The following PRKCE variants were observed in gnomAD, a reference collection of about 807,000 sequenced individuals.
PRKCE encodes the protein protein kinase C epsilon type.
Under a neutral mutation model 85.4 loss-of-function variants are expected in PRKCE, and 16 were observed. The ratio of observed to expected loss-of-function variants is 0.19; its 90% CI spans 0.13 to 0.28. PRKCE has a LOEUF of 0.28. PRKCE is among the 10% of genes least tolerant of loss of function. The pLI, the probability that PRKCE is intolerant of heterozygous loss-of-function variation, is 1.00. For missense variants in PRKCE, 573 were observed against 975.2 expected, an observed-to-expected ratio of 0.59 and a Z score of 5.49; for synonymous variants, 388 against 371.5, an observed-to-expected ratio of 1.04 and a Z score of -0.51.
chr2:46,040,893 A>G (rs1276100944), intron 10 of PRKCE, among the ~76,000 whole-genome samples: 3 of 152,198 alleles, frequency 2.0e-5, no homozygotes, highest in Non-Finnish European at 2.9e-5. Context: ...AAACTGACGA[A>G]TCTCAGTTTT....
intron 2 of PRKCE, among the ~76,000 whole-genome samples, chr2:45,938,015 C>G (rs1363566482): frequency 6.6e-6 from 1 of 152,322 alleles, no homozygotes; most frequent in Non-Finnish European, 1.5e-5. Flanking sequence ...CTTTACGTTA[C>G]GCACCACTAA....
At chr2:46,149,375 C>T (rs1676383741) in intron 12 of PRKCE, among the ~76,000 whole-genome samples, 1 of 152,080 alleles carries the variant, frequency 6.6e-6, no homozygotes, top group Admixed American at 6.6e-5. Flanking sequence ...TTCTCCTTCC[C>T]TTTTTAAAAT....
chr2:46,127,692 C>A (rs1462896260), intron 11 of PRKCE, among the ~76,000 whole-genome samples: 1 of 152,162 alleles, frequency 6.6e-6, no homozygotes, highest in Non-Finnish European at 1.5e-5. Flanking sequence ...CAGCCTGTTA[C>A]CATTGAGGAT....
chr2:45,695,492 G>T (rs6721132), intron 1 of PRKCE, among the ~76,000 whole-genome samples: 1 of 152,122 alleles, frequency 6.6e-6, no homozygotes, highest in Non-Finnish European at 1.5e-5. Flanking sequence ...TGTATAATAG[G>T]CTGGGCATGG....
intron 1 of PRKCE, among the ~76,000 whole-genome samples, chr2:45,816,570 G>T (rs1689062827): frequency 6.6e-6 from 1 of 152,152 alleles, no homozygotes; most frequent in Non-Finnish European, 1.5e-5. Context: ...CCTGGATTTT[G>T]TTTGTTTTGT....
intron 1 of PRKCE, among the ~76,000 whole-genome samples, chr2:45,711,384 G>A (rs2104368508): frequency 6.6e-6 from 1 of 152,312 alleles, no homozygotes; most frequent in South Asian, 2.1e-4. Context: ...TCACAGCTCT[G>A]CTACCTATGA....
At chr2:45,659,316 C>G (rs888259342) in intron 1 of PRKCE, among the ~76,000 whole-genome samples, 1 of 152,198 alleles carries the variant, frequency 6.6e-6, no homozygotes, top group East Asian at 1.9e-4. Flanking sequence ...TTCTCAGGTG[C>G]CCCATATCTT....
At chr2:45,898,184 G>T (rs973073835) in intron 2 of PRKCE, among the ~76,000 whole-genome samples, 2 of 152,126 alleles carry the variant, frequency 1.3e-5, no homozygotes, top group Non-Finnish European at 2.9e-5. Flanking sequence ...ACAACTCATC[G>T]CTTCACCTTA....
intron 2 of PRKCE, among the ~76,000 whole-genome samples, chr2:45,965,037 C>T (rs769936674): frequency 6.6e-6 from 1 of 152,210 alleles, no homozygotes; most frequent in Non-Finnish European, 1.5e-5. Flanking sequence ...CCGTTCTCTT[C>T]TGATTAGATT....
At chr2:46,082,370 G>A (rs1331104531) in intron 10 of PRKCE, among the ~76,000 whole-genome samples, 1 of 152,178 alleles carries the variant, frequency 6.6e-6, no homozygotes, top group Non-Finnish European at 1.5e-5. Flanking sequence ...GACTTGGTGA[G>A]GGCTGAGGGA....
At chr2:45,982,450 C>T (rs1398389586) in intron 5 of PRKCE, among the ~76,000 whole-genome samples, 2 of 152,218 alleles carry the variant, frequency 1.3e-5, no homozygotes, top group Admixed American at 1.3e-4. Context: ...CGGTCCCCCC[C>T]ATCTCATGTC....
chr2:45,876,844 T>G (rs1694518507), intron 2 of PRKCE, among the ~76,000 whole-genome samples: 1 of 152,228 alleles, frequency 6.6e-6, no homozygotes, highest in African/African-American at 2.4e-5. Flanking sequence ...TTTAATGTAA[T>G]TACTGATATA....
At chr2:45,998,358 C>G (rs1270589675) in intron 6 of PRKCE, among the ~76,000 whole-genome samples, 1 of 152,210 alleles carries the variant, frequency 6.6e-6, no homozygotes, top group Admixed American at 6.5e-5. Context: ...CTTTGATGCT[C>G]TGGTTTTAGG....
chr2:45,884,970 TATATATATATATATATATATATATATA>T (rs1558792826), intron 2 of PRKCE, among the ~76,000 whole-genome samples: 2 of 61,666 alleles, frequency 3.2e-5, no homozygotes, highest in Non-Finnish European at 7.0e-5. Context: ...TATATATATA[TATATATATATATATATATATATATATA>T]TATATTTGTT....
At chr2:45,999,161 C>T (rs1224804550) in intron 6 of PRKCE, among the ~76,000 whole-genome samples, 1 of 152,140 alleles carries the variant, frequency 6.6e-6, no homozygotes, top group East Asian at 1.9e-4. Flanking sequence ...CCACTTATTT[C>T]TTCACCTTTC....
intron 2 of PRKCE, among the ~76,000 whole-genome samples, chr2:45,914,362 GGAC>G (rs563615624): frequency 3.3e-3 from 500 of 152,344 alleles, no homozygotes; most frequent in Non-Finnish European, 5.3e-3. Flanking sequence ...TTGGACATGT[GGAC>G]TTGGATGTGT....
chr2:45,934,473 A>G lies in PRKCE; in HGVS notation c.413-41956A>G, dbSNP rs186755500. The stretch of plus-strand genomic sequence containing the variant: ...AGACCAGCCTGGTCAACATAGTAAA[A>G]CCCCATCTCTACTAAAAATACAAAA... On this transcript the variant is annotated intron_variant, in intron 2 of 14. Transcript: ENST00000306156. Among the ~76,000 whole-genome samples the G allele has an allele frequency of 2.4e-3, 359 of 152,102 alleles. 2 individuals are homozygous for G. The highest frequency in any genetic ancestry group is 8.3e-3 in the African/African-American group (344 of 41,480).
At chr2:45,981,594 G>T (rs1702894557) in intron 5 of PRKCE, among the ~76,000 whole-genome samples, 1 of 152,172 alleles carries the variant, frequency 6.6e-6, no homozygotes, top group Non-Finnish European at 1.5e-5. Context: ...GCTCTCTTGT[G>T]GTTAAGACTG....
Position 45,651,868 on chromosome 2 carries a change from A to C in PRKCE, c.-233A>C. 4.7e-5 allele frequency: 19 copies of C among 406,502 alleles called. No homozygotes were observed. The highest frequency in any genetic ancestry group is 6.7e-4 in the Middle Eastern group (1 of 1,482). 25.2% of individuals were successfully genotyped at this position (406,502 alleles called of 1,614,324 possible). A position where few individuals can be genotyped will look rare whatever the true frequency, so the allele number is the denominator to read the frequency against. ...GGAGAGACTTGCTCCAAACACGGAC[A>C]TCCCCCAGCTCTCCCCCCTCCCTGT... is the stretch of plus-strand genomic sequence containing the variant. On this transcript the variant is annotated 5_prime_UTR_variant, in exon 1 of 15. Transcript: ENST00000306156.
Sources: allele counts gnomAD v4.1 joint callset (sites outside exome capture counted in the v4.1 genomes callset), GRCh38; gene constraint gnomAD v4.1.1; transcripts MANE v1.5; gene names NCBI Gene and HGNC (gene_info 2026-07-23, HGNC 2026-07-21).